The following WIPF3 variants were observed in gnomAD, a reference collection of about 807,000 sequenced individuals.
The protein encoded by WIPF3 is WAS/WASL-interacting protein family member 3.
Under a neutral mutation model 38.9 loss-of-function variants are expected in WIPF3, and 33 were observed. That is an observed-to-expected ratio of 0.85 (90% CI 0.64 to 1.14). WIPF3 has a LOEUF of 1.14. Among genes scored for constraint, WIPF3 ranks in the 50% most tolerant of loss-of-function variants. The pLI, the probability that WIPF3 is intolerant of heterozygous loss-of-function variation, is 0.00. For synonymous variants in WIPF3, 324 were observed against 269.3 expected (o/e 1.20, Z -1.99); for missense variants, 711 against 652.5 (o/e 1.09, Z -0.98).
chr7:29,813,560 A>C (rs1043894017), intron 1 of WIPF3, among the ~76,000 whole-genome samples: 4 of 152,176 alleles, frequency 2.6e-5, no homozygotes, highest in Non-Finnish European at 5.9e-5. Flanking sequence ...GTAAATTTTC[A>C]TGTATGCTTC....
intron 1 of WIPF3, among the ~76,000 whole-genome samples, chr7:29,817,715 T>G (rs543037820): frequency 2.6e-5 from 4 of 152,290 alleles, no homozygotes; most frequent in African/African-American, 9.6e-5. Flanking sequence ...TTACTGATTC[T>G]CCATATAGCA....
chr7:29,837,056 G>A (rs10278201), intron 2 of WIPF3, among the ~76,000 whole-genome samples: 106,079 of 151,478 alleles, frequency 0.7, 37,562 homozygotes, highest in African/African-American at 0.8. Flanking sequence ...ATGATGGATT[G>A]GAAACAACAC....
chr7:29,840,003 G>A (rs535898152), intron 2 of WIPF3, among the ~76,000 whole-genome samples: 2 of 152,190 alleles, frequency 1.3e-5, no homozygotes, highest in South Asian at 4.1e-4. Context: ...TGTTATATAA[G>A]TATATACATT....
intron 3 of WIPF3, among the ~76,000 whole-genome samples, chr7:29,877,252 T>C (rs1469738682): frequency 3.3e-5 from 5 of 152,202 alleles, no homozygotes; most frequent in African/African-American, 1.2e-4. Context: ...CAGATGACTC[T>C]GGAGGAAACA....
At chr7:29,851,740 T>A (rs1261403293) in intron 2 of WIPF3, among the ~76,000 whole-genome samples, 1 of 152,238 alleles carries the variant, frequency 6.6e-6, no homozygotes, top group Non-Finnish European at 1.5e-5. Flanking sequence ...CTGGGCTGAC[T>A]AGACGGGTGC....
At chr7:29,895,057 T>C (rs891197122) in intron 7 of WIPF3, among the ~76,000 whole-genome samples, 10 of 152,044 alleles carry the variant, frequency 6.6e-5, no homozygotes, top group African/African-American at 2.4e-4. Context: ...GTTCAACCGA[T>C]TCTCCTGCCT....
intron 2 of WIPF3, among the ~76,000 whole-genome samples, chr7:29,839,465 G>A (rs992545761): frequency 2.6e-5 from 4 of 152,150 alleles, no homozygotes; most frequent in Admixed American, 2.6e-4. Flanking sequence ...CAAACTTACC[G>A]TCACGTGTAA....
chr7:29,866,768 C>T (rs1485860320), intron 2 of WIPF3, among the ~76,000 whole-genome samples: 1 of 152,232 alleles, frequency 6.6e-6, no homozygotes. Flanking sequence ...TTCCTGCCCA[C>T]TCCTTCCTGC....
In WIPF3 at chr7:29,884,264, T is replaced by TGGGCCCCC; in HGVS notation, c.770_771insGGGCCCCC (p.Pro258GlyfsTer119). 1 of 1,315,280 alleles carries TGGGCCCCC rather than the reference T, an allele frequency of 7.6e-7. No homozygotes were observed. The highest frequency in any genetic ancestry group is 1.0e-6 in the Non-Finnish European group (1 of 992,704). 81.5% of individuals were successfully genotyped at this position (1,315,280 alleles called of 1,614,324 possible). On this transcript the variant is annotated frameshift_variant, in exon 5 of 9. Transcript: ENST00000242140. LOFTEE classifies it high-confidence loss of function. ...AAGCCTCAGCTGGCTCCCTTGCACC[T>TGGGCCCCC]CCCGCCCATCCCGCCCCCGCTCCCT...
chr7:29,807,395 T>G (rs1037199972), intron 1 of WIPF3, among the ~76,000 whole-genome samples: 2 of 151,984 alleles, frequency 1.3e-5, no homozygotes, highest in African/African-American at 4.8e-5. Context: ...AGGTGGTGGG[T>G]AGGTAGGTGG....
chr7:29,887,082 T>C (rs1440964707), intron 5 of WIPF3, among the ~76,000 whole-genome samples: 6 of 152,192 alleles, frequency 3.9e-5, no homozygotes, highest in South Asian at 2.1e-4. Flanking sequence ...TGGCGGCTGA[T>C]GACTGAGAAT....
At chr7:29,809,229 T>A (rs1033032484) in intron 1 of WIPF3, among the ~76,000 whole-genome samples, 2 of 152,196 alleles carry the variant, frequency 1.3e-5, no homozygotes, top group African/African-American at 4.8e-5. Flanking sequence ...GGTAGAAACG[T>A]CTTTGTTTTA....
At chr7:29,883,705 G>A (rs1157433621) in intron 4 of WIPF3, 145 bp from the exon 5 acceptor site, 4 of 1,191,428 alleles carry the variant, frequency 3.4e-6, no homozygotes, top group South Asian at 2.2e-5. Context: ...TGTGGCACCT[G>A]AGGCCTCTCA....
At chr7:29,903,269 G>C (rs1335222297) in intron 7 of WIPF3, among the ~76,000 whole-genome samples, 1 of 152,018 alleles carries the variant, frequency 6.6e-6, no homozygotes, top group African/African-American at 2.4e-5. Context: ...ATTCCAGCCT[G>C]GGAGACAGAG....
intron 7 of WIPF3, among the ~76,000 whole-genome samples, chr7:29,897,991 GCTCTT>G (rs748177206): frequency 7.2e-5 from 11 of 152,062 alleles, no homozygotes; most frequent in Middle Eastern, 3.2e-3. Flanking sequence ...CCATTTTTCT[GCTCTT>G]CTCTTAGCCA....
At chr7:29,889,439 C>G (rs77956941) in intron 7 of WIPF3, 32 bp downstream of exon 7, 2 of 1,557,340 alleles carry the variant, frequency 1.3e-6, no homozygotes, top group Non-Finnish European at 1.8e-6. Context: ...CTCCTGGCAT[C>G]TCCCGACCCT....
At chr7:29,904,473 C>G in intron 8 of WIPF3, 111 bp downstream of exon 8, 2 of 1,084,266 alleles carry the variant, frequency 1.8e-6, no homozygotes, top group South Asian at 2.8e-5. Flanking sequence ...TCCTCACACT[C>G]CTTTTCCTCA....
chr7:29,831,750 C>T (rs539846482), intron 1 of WIPF3, among the ~76,000 whole-genome samples: 11 of 152,314 alleles, frequency 7.2e-5, no homozygotes, highest in African/African-American at 2.4e-4. Context: ...TCTGCCAACA[C>T]ATAGGACCTT....
chr7:29,908,333 C>G (rs1264648231), intron 8 of WIPF3, among the ~76,000 whole-genome samples: 1 of 152,166 alleles, frequency 6.6e-6, no homozygotes, highest in Non-Finnish European at 1.5e-5. Flanking sequence ...CACCTAATAA[C>G]AGACCATCAA....
Sources: allele counts gnomAD v4.1 joint callset (sites outside exome capture counted in the v4.1 genomes callset), GRCh38; gene constraint gnomAD v4.1.1; transcripts MANE v1.5; gene names NCBI Gene and HGNC (gene_info 2026-07-23, HGNC 2026-07-21).